Variants in SCMH1 observed in about 807,000 individuals in gnomAD.
The protein encoded by SCMH1 is polycomb protein SCMH1.
Under a neutral mutation model 70.8 loss-of-function variants are expected in SCMH1, and 37 were observed. The ratio of observed to expected loss-of-function variants is 0.52; its 90% confidence interval spans 0.40 to 0.69. The LOEUF is 0.69. Ranked by LOEUF, SCMH1 falls within the 30% of genes least tolerant of loss-of-function variation. SCMH1 has a pLI of 0.00. For missense variants in SCMH1, 607 were observed against 827.3 expected (o/e 0.73, Z 3.27); for synonymous variants, 292 against 307.4 (o/e 0.95, Z 0.52).
chr1:41,234,322 A>G (rs927862788), intron 1 of SCMH1, among the ~76,000 whole-genome samples: 1 of 152,008 alleles, frequency 6.6e-6, no homozygotes, highest in Admixed American at 6.6e-5. Context: ...CAATTTTGAC[A>G]AGTTTTAAAA....
At chr1:41,112,973 C>T (rs1305349995) in intron 8 of SCMH1, among the ~76,000 whole-genome samples, 2 of 152,188 alleles carry the variant, frequency 1.3e-5, no homozygotes, top group East Asian at 3.8e-4. Flanking sequence ...TACTAGTACT[C>T]AAACTTTGTA....
intron 8 of SCMH1, among the ~76,000 whole-genome samples, chr1:41,080,000 T>G (rs1160578164): frequency 1.3e-5 from 2 of 152,186 alleles, no homozygotes; most frequent in Non-Finnish European, 2.9e-5. Context: ...AGATGTCCAT[T>G]TAATTTTTTA....
At chr1:41,150,975 AAACTC>A (rs1462181809) in intron 5 of SCMH1, among the ~76,000 whole-genome samples, 2 of 151,464 alleles carry the variant, frequency 1.3e-5, no homozygotes, top group African/African-American at 4.9e-5. Flanking sequence ...GACAAAATTC[AAACTC>A]AACCTGAAAT....
chr1:41,143,003 G>A (rs1388024414), exon 6 of SCMH1: 2 of 1,614,046 alleles, frequency 1.2e-6, no homozygotes, highest in Non-Finnish European at 1.7e-6. Context: ...GCGAAGGCGG[G>A]CACCTGTCAG....
intron 8 of SCMH1, among the ~76,000 whole-genome samples, chr1:41,087,037 T>C (rs1661909329): frequency 6.6e-6 from 1 of 152,124 alleles, no homozygotes; most frequent in African/African-American, 2.4e-5. Context: ...GGTACACCAA[T>C]GGACAGGCAC....
chr1:41,149,665 T>TA (rs1463627059), intron 5 of SCMH1, among the ~76,000 whole-genome samples: 1 of 152,198 alleles, frequency 6.6e-6, no homozygotes, highest in Non-Finnish European at 1.5e-5. Flanking sequence ...TCTTGAGTTT[T>TA]ACCTTTATGA....
intron 2 of SCMH1, among the ~76,000 whole-genome samples, chr1:41,166,682 T>C (rs1272637917): frequency 6.6e-6 from 1 of 152,108 alleles, no homozygotes; most frequent in Non-Finnish European, 1.5e-5. Flanking sequence ...TACTGACTTT[T>C]GTAAGTTGAT....
At chr1:41,213,337 T>C (rs1003970644) in intron 1 of SCMH1, among the ~76,000 whole-genome samples, 1 of 152,182 alleles carries the variant, frequency 6.6e-6, no homozygotes, top group Non-Finnish European at 1.5e-5. Flanking sequence ...ATAAACCCTT[T>C]CACTTTTGTT....
intron 10 of SCMH1, among the ~76,000 whole-genome samples, chr1:41,049,208 G>A (rs572041675): frequency 3.3e-5 from 5 of 152,220 alleles, no homozygotes; most frequent in Admixed American, 6.5e-5. Context: ...CCTCTTGTAC[G>A]TACTTCCATT....
chr1:41,086,748 G>GC, intron 8 of SCMH1, among the ~76,000 whole-genome samples: 1 of 152,062 alleles, frequency 6.6e-6, no homozygotes, highest in South Asian at 2.1e-4. Context: ...CTAAACAACA[G>GC]CAACAACAAC....
intron 8 of SCMH1, among the ~76,000 whole-genome samples, chr1:41,112,302 G>C (rs1320299855): frequency 1.3e-5 from 2 of 152,102 alleles, no homozygotes; most frequent in African/African-American, 2.4e-5. Context: ...GAATTCAACA[G>C]AGGTTTAGAA....
chr1:41,035,084 A>G (rs984459629), intron 13 of SCMH1, among the ~76,000 whole-genome samples: 3 of 152,146 alleles, frequency 2.0e-5, no homozygotes, highest in Admixed American at 2.0e-4. Context: ...CTCTGACCCC[A>G]ACCTTCCATC....
chr1:41,031,271 CAG>C (rs1361878827), intron 13 of SCMH1, among the ~76,000 whole-genome samples: 1 of 152,126 alleles, frequency 6.6e-6, no homozygotes, highest in Admixed American at 6.6e-5. Flanking sequence ...GCCTGGGTGA[CAG>C]AGTAAGATCC....
At chr1:41,202,537 ATAGTG>A (rs1444075292) in intron 1 of SCMH1, among the ~76,000 whole-genome samples, 1 of 152,178 alleles carries the variant, frequency 6.6e-6, no homozygotes, top group Non-Finnish European at 1.5e-5. Context: ...ATACTATTTA[ATAGTG>A]TAGAGAACTC....
chr1:41,069,628 T>C (rs1316742273), intron 10 of SCMH1, among the ~76,000 whole-genome samples: 7 of 152,252 alleles, frequency 4.6e-5, no homozygotes, highest in Non-Finnish European at 1.0e-4. Flanking sequence ...TGTTAACATT[T>C]GAAGGGACTA....
chr1:41,112,341 C>A (rs1669452858), intron 8 of SCMH1, among the ~76,000 whole-genome samples: 1 of 152,132 alleles, frequency 6.6e-6, no homozygotes, highest in South Asian at 2.1e-4. Flanking sequence ...AGAAGGGTGA[C>A]TTTTCATTCC....
intron 2 of SCMH1, among the ~76,000 whole-genome samples, chr1:41,175,118 T>A (rs1647029849): frequency 6.6e-6 from 1 of 152,206 alleles, no homozygotes; most frequent in Non-Finnish European, 1.5e-5. Flanking sequence ...TCTGAGTGTA[T>A]CTGTGGTGGT....
At chr1:41,040,880 AAAC>A (rs1341238722) in intron 12 of SCMH1, among the ~76,000 whole-genome samples, 4 of 147,556 alleles carry the variant, frequency 2.7e-5, no homozygotes, top group South Asian at 2.2e-4. Context: ...AAAAAACAGA[AAAC>A]AAAAAACAAA....
intron 6 of SCMH1, among the ~76,000 whole-genome samples, chr1:41,120,173 C>T (rs1671570205): frequency 6.6e-6 from 1 of 152,108 alleles, no homozygotes; most frequent in Admixed American, 6.5e-5. Context: ...GAGTGCCTAG[C>T]CATGTAATTC....
Sources: allele counts gnomAD v4.1 joint callset (sites outside exome capture counted in the v4.1 genomes callset), GRCh38; gene constraint gnomAD v4.1.1; transcripts MANE v1.5; gene names NCBI Gene and HGNC (gene_info 2026-07-23, HGNC 2026-07-21).